Variants in KCNB2 observed in about 807,000 individuals in gnomAD.
KCNB2 encodes delayed rectifier potassium channel protein.
Under a neutral mutation model 61.5 loss-of-function variants are expected in KCNB2, and 15 were observed. The ratio of observed to expected loss-of-function variants is 0.24; its 90% CI spans 0.16 to 0.38. The LOEUF (loss-of-function observed/expected upper bound fraction) is 0.38. KCNB2 is among the 10% of genes least tolerant of loss of function. The pLI is 1.00. For synonymous variants in KCNB2, 457 were observed against 446.0 expected (o/e 1.02, Z -0.31); for missense variants, 828 against 1,125.2 (o/e 0.74, Z 3.78).
Position 72,637,294 on chromosome 8 carries a change from G to T in KCNB2, c.579+68981G>T, listed in dbSNP as rs1805981541. Among the ~76,000 whole-genome samples the T allele has an allele frequency of 1.3e-5, 2 of 152,176 alleles. 1 individual carries two copies. Among genetic ancestry groups the T allele is most frequent in the African/African-American group, 4.8e-5 (2 of 41,456 alleles). On this transcript the variant is annotated intron_variant, in intron 2 of 2. Coordinates refer to ENST00000523207, the MANE Select transcript of KCNB2 (RefSeq NM_004770.3). Reference sequence around the variant, plus strand: ...ACTCTTAAAAAACCTGTATTTTACAGTGGCCTGGTCAGGAAAATTCGTCTG... The same window carrying T: ...ACTCTTAAAAAACCTGTATTTTACATTGGCCTGGTCAGGAAAATTCGTCTG...
chr8:72,597,771 A>G (rs1000072594), intron 2 of KCNB2, among the ~76,000 whole-genome samples: 1 of 152,186 alleles, frequency 6.6e-6, no homozygotes, highest in Non-Finnish European at 1.5e-5. Context: ...TCTAGAATTC[A>G]TCCCTAACTT....
chr8:72,630,785 T>C (rs1805865905), intron 2 of KCNB2, among the ~76,000 whole-genome samples: 1 of 152,200 alleles, frequency 6.6e-6, no homozygotes, highest in South Asian at 2.1e-4. Context: ...GCGTTGTCCT[T>C]TGTACTAGCA....
chr8:72,935,322 A>G (rs1163880023), intron 2 of KCNB2, among the ~76,000 whole-genome samples: 4 of 152,192 alleles, frequency 2.6e-5, no homozygotes, highest in Non-Finnish European at 5.9e-5. Flanking sequence ...CTTTGAAGTT[A>G]GCATATAATC....
At chr8:72,776,500 T>C (rs1276600736) in intron 2 of KCNB2, among the ~76,000 whole-genome samples, 1 of 152,212 alleles carries the variant, frequency 6.6e-6, no homozygotes. Flanking sequence ...TGTGTGGGCA[T>C]TGGGATCTCA....
intron 2 of KCNB2, among the ~76,000 whole-genome samples, chr8:72,774,876 G>C (rs962028793): frequency 9.2e-5 from 14 of 152,002 alleles, no homozygotes; most frequent in African/African-American, 3.4e-4. Context: ...TATCCGTGTA[G>C]CTCAGGAATG....
At chr8:72,725,099 A>T (rs967868942) in intron 2 of KCNB2, among the ~76,000 whole-genome samples, 1 of 152,184 alleles carries the variant, frequency 6.6e-6, no homozygotes, top group African/African-American at 2.4e-5. Context: ...TAAAAAAGAA[A>T]ATTATTATTT....
chr8:72,900,099 A>T (rs552253681), intron 2 of KCNB2, among the ~76,000 whole-genome samples: 1 of 152,304 alleles, frequency 6.6e-6, no homozygotes, highest in African/African-American at 2.4e-5. Flanking sequence ...TTCAAACTAT[A>T]CTACAAGGCT....
At chr8:72,847,759 A>G (rs1810022755) in intron 2 of KCNB2, among the ~76,000 whole-genome samples, 1 of 152,246 alleles carries the variant, frequency 6.6e-6, no homozygotes, top group Non-Finnish European at 1.5e-5. Context: ...AGTAAGGCAC[A>G]AAACACCAAA....
At chr8:72,547,371 C>CTA (rs1806274557) in intron 1 of KCNB2, among the ~76,000 whole-genome samples, 1 of 152,148 alleles carries the variant, frequency 6.6e-6, no homozygotes, top group African/African-American at 2.4e-5. Flanking sequence ...TTTTATAAGG[C>CTA]TATACCTGCC....
chr8:72,899,546 A>C (rs1806051156), intron 2 of KCNB2, among the ~76,000 whole-genome samples: 1 of 152,244 alleles, frequency 6.6e-6, no homozygotes, highest in African/African-American at 2.4e-5. Flanking sequence ...ATATCAAATC[A>C]ATGTACAAAA....
intron 2 of KCNB2, among the ~76,000 whole-genome samples, chr8:72,749,959 G>A (rs531345675): frequency 4.6e-5 from 7 of 150,868 alleles, no homozygotes; most frequent in East Asian, 1.9e-4. Context: ...TAATATCTAT[G>A]TGCCCCTTCC....
chr8:72,553,497 G>A (rs1353583453), intron 1 of KCNB2, among the ~76,000 whole-genome samples: 2 of 152,048 alleles, frequency 1.3e-5, no homozygotes, highest in Admixed American at 1.3e-4. Flanking sequence ...GGGCTTTCAT[G>A]CTAAATGTTC....
intron 2 of KCNB2, among the ~76,000 whole-genome samples, chr8:72,736,821 C>T (rs184941744): frequency 6.6e-6 from 1 of 152,140 alleles, no homozygotes; most frequent in Non-Finnish European, 1.5e-5. Context: ...TGGGAGCACT[C>T]TACTGCAGCG....
intron 2 of KCNB2, among the ~76,000 whole-genome samples, chr8:72,744,827 A>G (rs1399100834): frequency 6.6e-6 from 1 of 152,216 alleles, no homozygotes; most frequent in Non-Finnish European, 1.5e-5. Flanking sequence ...CTAAGGCACA[A>G]TGACAAGAAA....
At chr8:72,625,200 A>C (rs948392893) in intron 2 of KCNB2, among the ~76,000 whole-genome samples, 1 of 152,168 alleles carries the variant, frequency 6.6e-6, no homozygotes, top group Non-Finnish European at 1.5e-5. Context: ...AATTTGTTAT[A>C]TAGAAACAGG....
intron 2 of KCNB2, among the ~76,000 whole-genome samples, chr8:72,755,881 C>T (rs553504819): frequency 5.9e-5 from 9 of 152,270 alleles, no homozygotes; most frequent in South Asian, 2.1e-4. Flanking sequence ...GTGTGCAGGA[C>T]GGGTATAGGA....
intron 2 of KCNB2, among the ~76,000 whole-genome samples, chr8:72,823,915 A>G (rs1026431384): frequency 5.3e-5 from 8 of 152,124 alleles, no homozygotes; most frequent in African/African-American, 1.9e-4. Flanking sequence ...AGCCTATACC[A>G]GTTCTTCAAG....
intron 2 of KCNB2, among the ~76,000 whole-genome samples, chr8:72,764,839 G>A (rs984770331): frequency 1.1e-4 from 16 of 152,198 alleles, no homozygotes; most frequent in East Asian, 1.9e-4. Context: ...TCCACTCAAC[G>A]GAAGCATAGA....
chr8:72,719,219 C>T (rs138910769), intron 2 of KCNB2, among the ~76,000 whole-genome samples: 3 of 152,098 alleles, frequency 2.0e-5, no homozygotes, highest in African/African-American at 4.8e-5. Context: ...ATATTTCCCT[C>T]GACCTGCACA....
Sources: gnomAD v4.1 joint callset for allele counts (sites outside exome capture counted in the v4.1 genomes callset) on GRCh38, gnomAD v4.1.1 for gene constraint, MANE v1.5 for transcripts, NCBI Gene and HGNC (gene_info 2026-07-23, HGNC 2026-07-21) for gene names.